The following STXBP4 variants were observed in gnomAD, a reference collection of about 807,000 sequenced individuals.
The protein encoded by STXBP4 is syntaxin binding protein 4, also known as syntaxin-binding protein 4.
In STXBP4, 55 loss-of-function variants were observed where a neutral mutation model predicts 76.1. The observed-to-expected ratio is 0.72, with a 90% CI of 0.58 to 0.91. The LOEUF is 0.91. STXBP4 is among the 40% of genes least tolerant of loss of function. STXBP4 has a pLI of 0.00. For synonymous variants in STXBP4, 201 were observed against 220.2 expected (o/e 0.91, Z 0.77); for missense variants, 618 against 636.9 (o/e 0.97, Z 0.32).
At chr17:55,063,176 T>C (rs1278642040) in intron 12 of STXBP4, among the ~76,000 whole-genome samples, 1 of 152,186 alleles carries the variant, frequency 6.6e-6, no homozygotes, top group Non-Finnish European at 1.5e-5. Context: ...AGTGATTCAT[T>C]AGAGGTGAAT....
chr17:55,101,847 G>A (rs1391633449), intron 16 of STXBP4, among the ~76,000 whole-genome samples: 1 of 152,122 alleles, frequency 6.6e-6, no homozygotes, highest in Non-Finnish European at 1.5e-5. Context: ...AGTTTTGTTT[G>A]AGACATGTTC....
intron 8 of STXBP4, among the ~76,000 whole-genome samples, chr17:55,025,297 A>G (rs1441351481): frequency 6.6e-6 from 1 of 152,180 alleles, no homozygotes; most frequent in Non-Finnish European, 1.5e-5. Flanking sequence ...GAAAGATGCA[A>G]ACTACCAAGA....
chr17:55,130,601 G>A (rs546564364), intron 16 of STXBP4, among the ~76,000 whole-genome samples: 20 of 152,234 alleles, frequency 1.3e-4, no homozygotes, highest in African/African-American at 4.8e-4. Context: ...TCACCATGCT[G>A]TGCAATAGAT....
chr17:55,058,920 A>C (rs2078964822), intron 12 of STXBP4, among the ~76,000 whole-genome samples: 1 of 152,048 alleles, frequency 6.6e-6, no homozygotes, highest in Non-Finnish European at 1.5e-5. Context: ...TATCAAATTC[A>C]CCATTAATTT....
intron 16 of STXBP4, among the ~76,000 whole-genome samples, chr17:55,132,383 G>C (rs557883819): frequency 6.6e-6 from 1 of 152,038 alleles, no homozygotes; most frequent in African/African-American, 2.4e-5. Flanking sequence ...TAGAGACGGG[G>C]TTTCACCATG....
intron 16 of STXBP4, among the ~76,000 whole-genome samples, chr17:55,096,441 C>T (rs2079487417): frequency 6.6e-6 from 1 of 152,102 alleles, no homozygotes; most frequent in Non-Finnish European, 1.5e-5. Flanking sequence ...CTCATCTTAC[C>T]TAATTTTCAT....
intron 12 of STXBP4, among the ~76,000 whole-genome samples, chr17:55,056,751 T>G (rs1476172374): frequency 6.6e-6 from 1 of 151,968 alleles, no homozygotes; most frequent in Non-Finnish European, 1.5e-5. Flanking sequence ...GCCTGTAATC[T>G]CAAAACTTTG....
chr17:54,992,424 A>AG lies in STXBP4; in HGVS notation c.180+1467_180+1468insG, dbSNP rs554508878. Among the ~76,000 whole-genome samples, 5 of 152,102 alleles carry AG rather than the reference A, an allele frequency of 3.3e-5. No individual in the cohort carries two copies. In the South Asian group the frequency reaches 1.0e-3, roughly 32 times the overall value. ...AACAAGACCCTGTCTCAAAAAAAAA[A>AG]AAAAAGTATTATTTAATAAGTTTAA... On this transcript the variant is annotated intron_variant, in intron 4 of 17. Coordinates refer to ENST00000376352, the MANE Select transcript of STXBP4 (RefSeq NM_178509.6).
At chr17:55,033,795 A>G (rs1441829962) in intron 9 of STXBP4, among the ~76,000 whole-genome samples, 1 of 152,196 alleles carries the variant, frequency 6.6e-6, no homozygotes, top group Non-Finnish European at 1.5e-5. Context: ...CATAAACATT[A>G]TCTGCTGCTA....
intron 16 of STXBP4, among the ~76,000 whole-genome samples, chr17:55,083,530 A>G (rs2079284244): frequency 6.6e-6 from 1 of 152,128 alleles, no homozygotes; most frequent in Non-Finnish European, 1.5e-5. Flanking sequence ...GGCTTAAACC[A>G]ACAATTTAGT....
At chr17:55,204,974 A>G in the STXBP4 span, among the ~76,000 whole-genome samples, 1 of 152,134 alleles carries the variant, frequency 6.6e-6, no homozygotes. Context: ...ATACTATTTT[A>G]TATTATATAT....
chr17:55,148,749 G>C (rs374048071), intron 17 of STXBP4, among the ~76,000 whole-genome samples: 1 of 152,092 alleles, frequency 6.6e-6, no homozygotes. Flanking sequence ...GGCTAGACTG[G>C]TCTTGAAATC....
chr17:55,051,394 G>A (rs962018339), intron 12 of STXBP4, among the ~76,000 whole-genome samples: 4 of 152,096 alleles, frequency 2.6e-5, no homozygotes, highest in African/African-American at 9.7e-5. Flanking sequence ...GTTTTGTCAG[G>A]ATGGAATTGA....
rs1213379713 is a variant in STXBP4, at chr17:55,159,945, A to G, written c.*34A>G. 3 of 1,349,220 alleles carry G rather than the reference A, an allele frequency of 2.2e-6. No individual in the cohort carries two copies. Among genetic ancestry groups the G allele is most frequent in the South Asian group, 2.4e-5 (2 of 85,016 alleles). 83.6% of individuals were successfully genotyped at this position (1,349,220 alleles called of 1,614,324 possible). ...CTTAGGAAGTGGAGCTACATGGATG[A>G]TGTGAGCAGAGACGCATAACATCCA... On this transcript the variant is annotated 3_prime_UTR_variant, in exon 18 of 18. Transcript: ENST00000376352.
At chr17:55,145,928 C>A (rs999020301) in intron 17 of STXBP4, among the ~76,000 whole-genome samples, 6 of 152,120 alleles carry the variant, frequency 3.9e-5, no homozygotes, top group African/African-American at 1.4e-4. Context: ...AATAACAAAC[C>A]ATCCATGATC....
rs759400590 is a variant in STXBP4, at chr17:55,051,868, CAT to C, written c.1011+4715_1011+4716del. ...ATGTGCATATGAACATGTATGTACA[CAT>C]GTGTATTATATATATGCGTGTGTAT... is the stretch of plus-strand genomic sequence containing the variant. On this transcript the variant is annotated intron_variant, in intron 12 of 17. Transcript: ENST00000376352. 2.1e-3 allele frequency among the ~76,000 whole-genome samples: 318 copies of C among 152,204 alleles called. 3 individuals carry two copies. The highest frequency in any genetic ancestry group is 2.4e-3 in the Non-Finnish European group (164 of 67,994).
chr17:55,003,870 T>C (rs1005477999), intron 7 of STXBP4, among the ~76,000 whole-genome samples: 20 of 152,130 alleles, frequency 1.3e-4, no homozygotes, highest in African/African-American at 4.3e-4. Flanking sequence ...TTTCTAAGGA[T>C]AGCAATAAAC....
At chr17:55,176,042 G>T (rs368406569), downstream of STXBP4, among the ~76,000 whole-genome samples, 1 of 152,204 alleles carries the variant, frequency 6.6e-6, no homozygotes, top group African/African-American at 2.4e-5. Context: ...GCAAGAGGAG[G>T]TCTGCTATCT....
At chr17:55,144,019 A>G (rs1041864752) in intron 17 of STXBP4, among the ~76,000 whole-genome samples, 120 of 147,482 alleles carry the variant, frequency 8.1e-4, no homozygotes, top group African/African-American at 1.7e-3. Flanking sequence ...ACACACACAC[A>G]CACACACACA....
Sources: gnomAD v4.1 joint callset for allele counts (sites outside exome capture counted in the v4.1 genomes callset) on GRCh38, gnomAD v4.1.1 for gene constraint, MANE v1.5 for transcripts, NCBI Gene and HGNC (gene_info 2026-07-23, HGNC 2026-07-21) for gene names.